The following SMCHD1 variants were observed in gnomAD, a reference collection of about 807,000 sequenced individuals.
SMCHD1 encodes structural maintenance of chromosomes flexible hinge domain-containing protein 1.
Under a neutral mutation model 254.7 loss-of-function variants are expected in SMCHD1, and 78 were observed. That is an observed-to-expected ratio of 0.31 (90% CI 0.26 to 0.37). The LOEUF (loss-of-function observed/expected upper bound fraction) is 0.37. SMCHD1 is among the 10% of genes least tolerant of loss of function. SMCHD1 has a pLI of 1.00. For synonymous variants in SMCHD1, 766 were observed against 794.9 expected, an observed-to-expected ratio of 0.96 and a Z score of 0.61; for missense variants, 1,840 against 2,408.1, an observed-to-expected ratio of 0.76 and a Z score of 4.94.
chr18:2,656,525 G>T (rs1441071375), intron 1 of SMCHD1, among the ~76,000 whole-genome samples: 3 of 152,266 alleles, frequency 2.0e-5, no homozygotes, highest in African/African-American at 7.2e-5. Context: ...GGCCTTGCCG[G>T]CCCGGGTGGA....
At chr18:2,767,472 C>T (rs11664016) in intron 37 of SMCHD1, among the ~76,000 whole-genome samples, 1 of 151,006 alleles carries the variant, frequency 6.6e-6, no homozygotes, top group African/African-American at 2.4e-5. Flanking sequence ...GGCATATGTT[C>T]TAAGAAATAC....
chr18:2,701,086 A>T (rs1012002439), intron 12 of SMCHD1, 168 bp downstream of exon 12: 1 of 476,176 alleles, frequency 2.1e-6, no homozygotes, highest in Non-Finnish European at 3.6e-6. Context: ...ATTTAAAGCT[A>T]ATTTTTTAGT....
intron 17 of SMCHD1, among the ~76,000 whole-genome samples, chr18:2,717,082 T>C (rs1165864265): frequency 6.6e-6 from 1 of 152,194 alleles, no homozygotes; most frequent in Non-Finnish European, 1.5e-5. Flanking sequence ...CCACCTATGC[T>C]GGCTGGCAGG....
At chr18:2,672,803 A>G (rs939095518) in intron 3 of SMCHD1, among the ~76,000 whole-genome samples, 3 of 152,240 alleles carry the variant, frequency 2.0e-5, no homozygotes, top group Non-Finnish European at 2.9e-5. Flanking sequence ...TAAGAATTCT[A>G]TATCCAAATT....
In SMCHD1 at chr18:2,790,395, TA is replaced by T. The variant is rs1445607652; in HGVS notation, c.5720-5553del. Among the ~76,000 whole-genome samples the T allele has an allele frequency of 2.6e-5, 4 of 152,236 alleles. No homozygotes were observed. The East Asian group carries it at 7.7e-4, about 29-fold the overall frequency. On this transcript the variant is annotated intron_variant, in intron 45 of 47. Coordinates refer to ENST00000320876, the MANE Select transcript of SMCHD1 (RefSeq NM_015295.3). ...ATTACAGTATATTTTTATTCTGTTT[TA>T]TTGTTGTTGTTAATCTACTATGCCT...
At chr18:2,728,278 G>T (rs1440632061) in intron 22 of SMCHD1, 179 bp from the exon 23 acceptor site, 1 of 585,784 alleles carries the variant, frequency 1.7e-6, no homozygotes, top group African/African-American at 1.9e-5. Flanking sequence ...GTCTTGTCAT[G>T]TATTGAATCT....
At chr18:2,792,661 A>G (rs7245346) in intron 45 of SMCHD1, among the ~76,000 whole-genome samples, 4,387 of 152,324 alleles carry the variant, frequency 0.029, 219 homozygotes, top group African/African-American at 0.099. Flanking sequence ...AAAATATTAT[A>G]TATCTGACCA....
At chr18:2,721,740 G>T (rs995239178) in intron 19 of SMCHD1, among the ~76,000 whole-genome samples, 2 of 152,266 alleles carry the variant, frequency 1.3e-5, no homozygotes, top group Non-Finnish European at 2.9e-5. Flanking sequence ...TGGTGAAACT[G>T]CTTCTCTAAT....
At chr18:2,699,799 A>G (rs1015302317) in intron 10 of SMCHD1, among the ~76,000 whole-genome samples, 4 of 152,244 alleles carry the variant, frequency 2.6e-5, no homozygotes, top group African/African-American at 9.6e-5. Context: ...TTTGATTGAA[A>G]GCAGCTTTTA....
chr18:2,784,706 A>G (rs1292786090), intron 45 of SMCHD1, 85 bp downstream of exon 45: 12 of 1,369,228 alleles, frequency 8.8e-6, no homozygotes, highest in African/African-American at 1.5e-5. Context: ...AGAATCTAAC[A>G]TGAAAAATTA....
intron 21 of SMCHD1, among the ~76,000 whole-genome samples, chr18:2,725,800 A>G (rs971093168): frequency 9.2e-5 from 14 of 151,920 alleles, no homozygotes; most frequent in African/African-American, 3.1e-4. Context: ...GACTTTAGTA[A>G]GATAAACTTA....
At chr18:2,733,567 G>A (rs9948131) in intron 25 of SMCHD1, among the ~76,000 whole-genome samples, 4,703 of 152,238 alleles carry the variant, frequency 0.031, 241 homozygotes, top group African/African-American at 0.11. Context: ...TGTTTGAGGT[G>A]CAACATTTGT....
chr18:2,731,948 T>C (rs2075149381), intron 24 of SMCHD1, among the ~76,000 whole-genome samples: 1 of 152,102 alleles, frequency 6.6e-6, no homozygotes, highest in African/African-American at 2.4e-5. Flanking sequence ...AAGGCAGAGG[T>C]TGCAGTGAGC....
At position 2,750,320 on chromosome 18, in the gene SMCHD1, T is replaced by A. The variant is rs779311711; in HGVS notation, c.4008-30T>A. 6 of 1,578,534 alleles carry A rather than the reference T, an allele frequency of 3.8e-6. No homozygotes were observed. The South Asian group carries it at 7.0e-5, about 18-fold the overall frequency. On this transcript the variant is annotated intron_variant, in intron 31 of 47. Coordinates refer to ENST00000320876, the MANE Select transcript of SMCHD1 (RefSeq NM_015295.3). The stretch of plus-strand genomic sequence containing the variant: ...TTTTTAGGTTATTAACTAATGTAAT[T>A]TGAACCCCTCTCCTCTTTTGTTTTG...
chr18:2,693,619 G>GT (rs140414533), intron 7 of SMCHD1, among the ~76,000 whole-genome samples: 94 of 142,766 alleles, frequency 6.6e-4, no homozygotes, highest in East Asian at 6.5e-3. Flanking sequence ...TGCATACCAT[G>GT]TTTTTTGTTT....
At chr18:2,677,649 A>G (rs2073783304) in intron 5 of SMCHD1, among the ~76,000 whole-genome samples, 1 of 152,128 alleles carries the variant, frequency 6.6e-6, no homozygotes. Context: ...GTTTTTTGAG[A>G]CAAATCTCGC....
rs1263943162 is a variant in SMCHD1, at chr18:2,718,530, A to G, written c.2458+96A>G. ...TAAGCCATTAAAAGATGTTTGAACA[A>G]TTGGGTAACCATCTCGATTTTATTT... On this transcript the variant is annotated intron_variant, in intron 19 of 47. Coordinates refer to ENST00000320876, the MANE Select transcript of SMCHD1 (RefSeq NM_015295.3). This position sits in a 1 kb window ranked among gnomAD's most constrained non-coding sequence, Gnocchi z 4.6. The G allele has an allele frequency of 2.8e-6, 3 of 1,057,552 alleles. No homozygotes were observed. Among genetic ancestry groups the G allele is most frequent in the Non-Finnish European group, 4.0e-6 (3 of 749,460 alleles). 65.5% of individuals were successfully genotyped at this position (1,057,552 alleles called of 1,614,324 possible).
chr18:2,702,389 G>A (rs2074421832), intron 12 of SMCHD1: 1 of 151,646 alleles, frequency 6.6e-6, no homozygotes, highest in South Asian at 2.1e-4. Context: ...TAGGTTACCT[G>A]TCACCTTGAC....
At chr18:2,740,466 A>T (rs1241225972) in intron 27 of SMCHD1, among the ~76,000 whole-genome samples, 1 of 152,106 alleles carries the variant, frequency 6.6e-6, no homozygotes, top group African/African-American at 2.4e-5. Context: ...TTTCATGGTA[A>T]AAAAATCTGA....
Sources: gnomAD v4.1 joint callset for allele counts (sites outside exome capture counted in the v4.1 genomes callset) on GRCh38, gnomAD v4.1.1 for gene constraint, Gnocchi (gnomAD v3.1) non-coding constraint, MANE v1.5 for transcripts, NCBI Gene and HGNC (gene_info 2026-07-23, HGNC 2026-07-21) for gene names.